RBFOX1: variants seen among roughly 807,000 people sequenced by gnomAD.
RBFOX1 encodes RNA binding fox-1 homolog 1, also known as RNA binding protein fox-1 homolog 1.
RBFOX1 carries 8 observed loss-of-function variants against 57.7 expected under a neutral mutation model. The observed-to-expected ratio is 0.14, with a 90% confidence interval of 0.08 to 0.25. RBFOX1 has a LOEUF of 0.25. RBFOX1 is among the 10% of genes least tolerant of loss of function. The pLI is 1.00. For missense variants in RBFOX1, 611 were observed against 548.5 expected (o/e 1.11, Z -1.14); for synonymous variants, 326 against 222.4 (o/e 1.47, Z -4.15).
intron 2 of RBFOX1, among the ~76,000 whole-genome samples, chr16:6,334,831 G>C (rs1251573422): frequency 6.6e-6 from 1 of 152,156 alleles, no homozygotes; most frequent in Non-Finnish European, 1.5e-5. Context: ...ACCAGCTTTT[G>C]CCATTCTGCT....
At chr16:7,317,187 G>C (rs994135783) in intron 4 of RBFOX1, among the ~76,000 whole-genome samples, 1 of 151,754 alleles carries the variant, frequency 6.6e-6, no homozygotes, top group Non-Finnish European at 1.5e-5. Context: ...GGACAGAAAA[G>C]AAACGGCCAG....
At chr16:6,039,942 A>G (rs913573678) in intron 1 of RBFOX1, among the ~76,000 whole-genome samples, 3 of 152,148 alleles carry the variant, frequency 2.0e-5, no homozygotes, top group Non-Finnish European at 4.4e-5. Flanking sequence ...AGAAGCTTCA[A>G]TTCCCTGCCA....
At position 6,870,150 on chromosome 16, in the gene RBFOX1, A is replaced by T. The variant is rs535548841; in HGVS notation, c.-15-181907A>T. On this transcript the variant is annotated intron_variant, in intron 3 of 15. Coordinates refer to ENST00000550418, the MANE Select transcript of RBFOX1 (RefSeq NM_018723.4). ...GGCTCTTGGACCACCTAGTTTTCAC[A>T]GGATGGTGATGAATGAGTTTAGGGT... is the stretch of plus-strand genomic sequence containing the variant. Among the ~76,000 whole-genome samples, 85 of 152,270 alleles carry T rather than the reference A, an allele frequency of 5.6e-4. 1 individual carries two copies. The highest frequency in any genetic ancestry group is 5.0e-3 in the South Asian group (24 of 4,816).
intron 3 of RBFOX1, among the ~76,000 whole-genome samples, chr16:6,697,637 C>T (rs1473824233): frequency 6.6e-6 from 1 of 152,156 alleles, no homozygotes; most frequent in Non-Finnish European, 1.5e-5. Context: ...AGCACCAAGC[C>T]AAGGTTATTT....
At chr16:6,224,020 G>A (rs62015075) in intron 1 of RBFOX1, among the ~76,000 whole-genome samples, 28,964 of 151,686 alleles carry the variant, frequency 0.19, 2,960 homozygotes, top group Middle Eastern at 0.34. Context: ...GTAGATATGC[G>A]GCGTTATTTC....
intron 1 of RBFOX1, among the ~76,000 whole-genome samples, chr16:5,327,689 C>A (rs921943720): frequency 9.2e-5 from 14 of 152,184 alleles, no homozygotes; most frequent in Admixed American, 8.5e-4. Flanking sequence ...GTAGCAGCAT[C>A]CCCCTCCCCG....
intron 5 of RBFOX1, among the ~76,000 whole-genome samples, chr16:7,526,466 TC>T (rs2078735516): frequency 1.3e-5 from 2 of 152,184 alleles, no homozygotes; most frequent in South Asian, 4.1e-4. Context: ...TCTTATTTTT[TC>T]TATAACTCCC....
intron 3 of RBFOX1, among the ~76,000 whole-genome samples, chr16:5,826,329 C>A (rs923615427): frequency 6.6e-6 from 1 of 152,142 alleles, no homozygotes; most frequent in Non-Finnish European, 1.5e-5. Context: ...GTTGTATTAG[C>A]AGTACCTGTG....
chr16:5,972,047 C>T (rs748177451), intron 4 of RBFOX1, among the ~76,000 whole-genome samples: 7 of 152,228 alleles, frequency 4.6e-5, no homozygotes, highest in Non-Finnish European at 7.3e-5. Flanking sequence ...AGCATGGGCT[C>T]TTTCTGGGTC....
intron 4 of RBFOX1, among the ~76,000 whole-genome samples, chr16:7,331,739 T>C (rs2096699730): frequency 6.6e-6 from 1 of 152,130 alleles, no homozygotes; most frequent in Admixed American, 6.6e-5. Context: ...AAGTAACTTG[T>C]TCAAGATCAC....
intron 2 of RBFOX1, among the ~76,000 whole-genome samples, chr16:6,646,194 C>A (rs561074391): frequency 1.2e-4 from 18 of 152,164 alleles, no homozygotes; most frequent in African/African-American, 4.1e-4. Context: ...AGGTCGGAAC[C>A]CACCCAGAGA....
intron 4 of RBFOX1, among the ~76,000 whole-genome samples, chr16:6,011,014 C>G (rs35299826): frequency 3.9e-5 from 6 of 152,186 alleles, no homozygotes; most frequent in African/African-American, 1.4e-4. Flanking sequence ...CAAATGCATA[C>G]TCTTCTTTGT....
intron 3 of RBFOX1, among the ~76,000 whole-genome samples, chr16:5,756,004 A>T (rs773310935): frequency 2.6e-5 from 4 of 152,084 alleles, no homozygotes; most frequent in African/African-American, 9.7e-5. Flanking sequence ...GGTCATGGTG[A>T]AAGTTTGGAT....
At chr16:5,752,523 G>C (rs897508993) in intron 3 of RBFOX1, among the ~76,000 whole-genome samples, 1 of 152,196 alleles carries the variant, frequency 6.6e-6, no homozygotes, top group Non-Finnish European at 1.5e-5. Context: ...GTTTCACGCT[G>C]TTTACTGTGA....
rs141705254 is a variant in RBFOX1, at chr16:7,364,772, G to A, written c.28-153375G>A. 2.2e-3 allele frequency among the ~76,000 whole-genome samples: 339 copies of A among 152,222 alleles called. 2 individuals are homozygous for A. The highest frequency in any genetic ancestry group is 3.6e-3 in the Non-Finnish European group (245 of 67,996). On this transcript the variant is annotated intron_variant, in intron 4 of 15. Transcript: ENST00000550418. ...TTGCTAGTTGTGTTCTCTCTCTAAG[G>A]TAATCTGTTGGAAGAAGTCAGAAGA...
Position 6,019,602 on chromosome 16 carries a change from G to A in RBFOX1, c.-517G>A. 1 of 1,221,854 alleles carries A rather than the reference G, an allele frequency of 8.2e-7. No homozygotes were observed. Among genetic ancestry groups the A allele is most frequent in the African/African-American group, 1.6e-5 (1 of 63,964 alleles). The allele number at this position is 1,221,854 out of a possible 1,614,324, so 75.7% of individuals were successfully genotyped here. A position where few individuals can be genotyped will look rare whatever the true frequency, so the allele number is the denominator to read the frequency against. ...CGCGCCTCCGGGGCTGAAGAAGGAA[G>A]GAGTGAGCCGAGCCGAGCACCCCAC... On this transcript the variant is annotated 5_prime_UTR_variant, in exon 1 of 16. Transcript: ENST00000550418. This position sits in a 1 kb window ranked among gnomAD's most constrained non-coding sequence, Gnocchi z 4.2.
At chr16:7,417,530 G>GTGTGTGTT (rs1555882408) in intron 4 of RBFOX1, among the ~76,000 whole-genome samples, 1 of 133,534 alleles carries the variant, frequency 7.5e-6, no homozygotes, top group Admixed American at 7.7e-5. Flanking sequence ...ACATGGTATT[G>GTGTGTGTT]TGTGTGTGTG....
chr16:7,690,998 G>A (rs540094260), intron 14 of RBFOX1, among the ~76,000 whole-genome samples: 19 of 152,204 alleles, frequency 1.2e-4, no homozygotes, highest in African/African-American at 4.6e-4. Flanking sequence ...GCATTGTTCA[G>A]GGAAGTAGTG....
intron 2 of RBFOX1, among the ~76,000 whole-genome samples, chr16:6,597,582 A>T (rs1245203725): frequency 1.3e-5 from 2 of 152,130 alleles, no homozygotes; most frequent in East Asian, 3.9e-4. Flanking sequence ...CTGAGGCAGG[A>T]GAATGGCGTG....
Sources: allele counts gnomAD v4.1 joint callset (sites outside exome capture counted in the v4.1 genomes callset), GRCh38; gene constraint gnomAD v4.1.1; non-coding constraint Gnocchi (gnomAD v3.1); transcripts MANE v1.5; gene names NCBI Gene and HGNC (gene_info 2026-07-23, HGNC 2026-07-21).